GNG2: variants seen among roughly 807,000 people sequenced by gnomAD.
The protein encoded by GNG2 is guanine nucleotide-binding protein G(I)/G(S)/G(O) subunit gamma-2.
Under a neutral mutation model 5.5 loss-of-function variants are expected in GNG2, and 5 were observed. The ratio of observed to expected loss-of-function variants is 0.91; its 90% CI spans 0.48 to 1.92. The LOEUF is 1.92. GNG2 is among the 30% of genes most tolerant of loss of function. GNG2 has a pLI of 0.01. For missense variants in GNG2, 55 were observed against 88.4 expected (o/e 0.62, Z 1.52); for synonymous variants, 28 against 32.0 (o/e 0.88, Z 0.42).
chr14:51,859,933 G>A (rs1321145812), upstream of GNG2, among the ~76,000 whole-genome samples: 3 of 152,174 alleles, frequency 2.0e-5, no homozygotes, highest in African/African-American at 7.2e-5. Context: ...TAGGCCTATA[G>A]GTAGCATTGC....
chr14:51,939,754 T>C (rs1335401323), intron 2 of GNG2: 1 of 150,786 alleles, frequency 6.6e-6, no homozygotes, highest in East Asian at 2.0e-4. Context: ...GGTCCTCATT[T>C]GCATTTGCTC....
chr14:51,946,040 A>G (rs1349007530), intron 2 of GNG2, among the ~76,000 whole-genome samples: 1 of 152,236 alleles, frequency 6.6e-6, no homozygotes, highest in Admixed American at 6.5e-5. Flanking sequence ...ATGGATGCAC[A>G]TGTGTTGTCT....
chr14:51,869,285 A>G (rs1883143012), intron 1 of GNG2, among the ~76,000 whole-genome samples: 4 of 152,212 alleles, frequency 2.6e-5, no homozygotes, highest in Admixed American at 2.6e-4. Flanking sequence ...AAATGGCGTA[A>G]GCAATAGGAA....
chr14:51,844,774 G>A (rs1881577612), intron 2 of GNG2, among the ~76,000 whole-genome samples: 1 of 151,940 alleles, frequency 6.6e-6, no homozygotes, highest in Non-Finnish European at 1.5e-5. Flanking sequence ...CACCCAGGCT[G>A]TAGTGCAATG....
intron 2 of GNG2, among the ~76,000 whole-genome samples, chr14:51,881,366 T>C (rs956591818): frequency 6.6e-6 from 1 of 152,148 alleles, no homozygotes; most frequent in African/African-American, 2.4e-5. Context: ...TGGAGTCTCA[T>C]TTGGTTCTAA....
At chr14:51,883,440 C>T (rs542637979) in intron 2 of GNG2, among the ~76,000 whole-genome samples, 4 of 152,276 alleles carry the variant, frequency 2.6e-5, no homozygotes, top group African/African-American at 4.8e-5. Flanking sequence ...CATGCAAACC[C>T]GCAGCTGTAA....
At chr14:51,919,240 A>T (rs530439374) in intron 2 of GNG2, among the ~76,000 whole-genome samples, 3 of 152,320 alleles carry the variant, frequency 2.0e-5, no homozygotes, top group Middle Eastern at 3.4e-3. Flanking sequence ...TTTATTTCAG[A>T]AGTAACTGGA....
intron 2 of GNG2, among the ~76,000 whole-genome samples, chr14:51,939,024 G>A (rs1888168599): frequency 6.6e-6 from 1 of 152,152 alleles, no homozygotes. Context: ...GGCATCCATA[G>A]GTTAAGAGAG....
intron 2 of GNG2, among the ~76,000 whole-genome samples, chr14:51,830,619 T>C (rs962075021): frequency 6.6e-6 from 1 of 152,228 alleles, no homozygotes; most frequent in Admixed American, 6.5e-5. Context: ...TTGCAGACTC[T>C]ACATTGAATC....
chr14:51,953,927 T>C (rs981803382), intron 3 of GNG2, among the ~76,000 whole-genome samples: 16 of 152,180 alleles, frequency 1.1e-4, no homozygotes, highest in Admixed American at 9.2e-4. Context: ...GAAATGGCTT[T>C]ATATACGTCT....
chr14:51,910,881 G>T (rs1886250074), intron 2 of GNG2, among the ~76,000 whole-genome samples: 1 of 152,242 alleles, frequency 6.6e-6, no homozygotes, highest in East Asian at 1.9e-4. Context: ...CTCTAGAACA[G>T]CACTTAATTG....
chr14:51,852,135 A>C (rs1213851818), intron 2 of GNG2, among the ~76,000 whole-genome samples: 1 of 152,192 alleles, frequency 6.6e-6, no homozygotes, highest in Non-Finnish European at 1.5e-5. Context: ...CAATGACCAT[A>C]ACTGATCTTG....
rs117928717 is a variant in GNG2, at chr14:51,893,352, A to G, written c.-30+15695A>G. On this transcript the variant is annotated intron_variant, in intron 2 of 3. Transcript: ENST00000556766. ...CTTGAATTCTGGTGAAGTTGAGCAT[A>G]TTTTCATATGTTTTCATTGATCTTT... is the stretch of plus-strand genomic sequence containing the variant. 5.7e-3 allele frequency among the ~76,000 whole-genome samples: 867 copies of G among 152,088 alleles called. 8 individuals carry two copies. Among genetic ancestry groups the G allele is most frequent in the South Asian group, 8.3e-3 (40 of 4,826 alleles).
At position 51,832,276 on chromosome 14, in the gene GNG2, T is replaced by C. The variant is rs536976707; in HGVS notation, c.64+4469T>C. Among the ~76,000 whole-genome samples, 4 of 64,846 alleles carry C rather than the reference T, an allele frequency of 6.2e-5. No homozygotes were observed. The East Asian group carries it at 1.0e-3, about 17-fold the overall frequency. The allele number at this position is 64,846 out of a possible 152,430, so 42.5% of individuals were successfully genotyped here. A position where few individuals can be genotyped will look rare whatever the true frequency, so the allele number is the denominator to read the frequency against. ...AGCCTAGCCAACAGTGAGACCCTGT[T>C]ACAGGGAGAAAAAAAAAAAAGAAAA... On this transcript the variant is annotated intron_variant, in intron 2 of 3. Coordinates refer to the GNG2 transcript ENST00000553432.
intron 1 of GNG2, chr14:51,873,858 T>C (rs1400547395): frequency 6.6e-6 from 1 of 152,272 alleles, no homozygotes; most frequent in African/African-American, 2.4e-5. Context: ...AAGCAAGATA[T>C]CTTTTCTCTG....
chr14:51,916,247 G>C (rs907367518), intron 2 of GNG2: 8 of 262,842 alleles, frequency 3.0e-5, no homozygotes, highest in Admixed American at 5.6e-5. Context: ...TTTAGACAGA[G>C]AGCCATATTT....
chr14:51,966,033 AC>A (rs1444108992), intron 3 of GNG2, among the ~76,000 whole-genome samples: 1 of 151,430 alleles, frequency 6.6e-6, no homozygotes, highest in African/African-American at 2.4e-5. Flanking sequence ...ACGTGGTGAA[AC>A]CCTGTCTCTA....
intron 2 of GNG2, among the ~76,000 whole-genome samples, chr14:51,851,019 ATGCCAACCC>A (rs1566644438): frequency 6.6e-6 from 1 of 152,256 alleles, no homozygotes; most frequent in Non-Finnish European, 1.5e-5. Flanking sequence ...TGCATAGGCA[ATGCCAACCC>A]ACCGTGGAGC....
chr14:51,951,184 T>C (rs1401181645), intron 3 of GNG2, among the ~76,000 whole-genome samples: 1 of 152,248 alleles, frequency 6.6e-6, no homozygotes, highest in African/African-American at 2.4e-5. Context: ...TAGTTATCCT[T>C]GCACGTTATA....
Sources: allele counts gnomAD v4.1 joint callset (sites outside exome capture counted in the v4.1 genomes callset), GRCh38; gene constraint gnomAD v4.1.1; transcripts MANE v1.5; gene names NCBI Gene and HGNC (gene_info 2026-07-23, HGNC 2026-07-21).